The following CNTLN variants were observed in gnomAD, a reference collection of about 807,000 sequenced individuals.
CNTLN encodes centlein, centrosomal protein.
Under a neutral mutation model 180.0 loss-of-function variants are expected in CNTLN, and 212 were observed. That is an observed-to-expected ratio of 1.18 (90% CI 1.05 to 1.32). CNTLN has a LOEUF of 1.32. CNTLN is among the 40% of genes most tolerant of loss of function. CNTLN has a pLI of 0.00. For synonymous variants in CNTLN, 722 were observed against 563.1 expected (o/e 1.28, Z -3.99); for missense variants, 2,095 against 1,610.9 (o/e 1.30, Z -5.14).
At chr9:17,362,616 C>G (rs926753879) in intron 12 of CNTLN, among the ~76,000 whole-genome samples, 1 of 152,070 alleles carries the variant, frequency 6.6e-6, no homozygotes. Flanking sequence ...ATTACAACAA[C>G]TTGTGTTGTT....
At position 17,463,014 on chromosome 9, in the gene CNTLN, G is replaced by A; in HGVS notation, c.3404+1G>A. On this transcript the variant is annotated splice_donor_variant, in intron 20 of 25. Transcript: ENST00000380647. LOFTEE classifies it high-confidence loss of function. ...AACACATAAAGGAAATGCATGAAAA[G>A]TATGGTTTTTGTATTTCTATCCATT... 1.3e-6 allele frequency: 2 copies of A among 1,557,576 alleles called. No homozygotes were observed. The highest frequency in any genetic ancestry group is 1.2e-5 in the South Asian group (1 of 84,798).
the CNTLN span, among the ~76,000 whole-genome samples, chr9:17,525,793 C>T: frequency 2.0e-5 from 3 of 152,032 alleles, no homozygotes; most frequent in Non-Finnish European, 2.9e-5. Flanking sequence ...TCTTTGAAGG[C>T]CTAAACAATT....
At chr9:17,217,431 G>A (rs1401210650) in intron 2 of CNTLN, among the ~76,000 whole-genome samples, 1 of 152,252 alleles carries the variant, frequency 6.6e-6, no homozygotes, top group Non-Finnish European at 1.5e-5. Flanking sequence ...TTGTAGTCAA[G>A]CCTGAGTGAA....
chr9:17,412,415 CAG>C (rs1345326209), intron 16 of CNTLN, among the ~76,000 whole-genome samples: 1 of 152,140 alleles, frequency 6.6e-6, no homozygotes, highest in Non-Finnish European at 1.5e-5. Context: ...AGCAAGATGA[CAG>C]ATGTTGGAGT....
intron 25 of CNTLN, among the ~76,000 whole-genome samples, chr9:17,498,148 C>A (rs1833556238): frequency 6.6e-6 from 1 of 152,118 alleles, no homozygotes; most frequent in Non-Finnish European, 1.5e-5. Flanking sequence ...GTCCTTTATA[C>A]TTAAAAGTTA....
intron 8 of CNTLN, among the ~76,000 whole-genome samples, chr9:17,312,364 T>TATATATAATATATATATATATA (rs369729227): frequency 9.9e-5 from 2 of 20,186 alleles, no homozygotes; most frequent in African/African-American, 2.3e-4. Context: ...TATATATATA[T>TATATATAATATATATATATATA]TATATATATA....
chr9:17,209,565 C>T (rs1380258705), intron 2 of CNTLN, among the ~76,000 whole-genome samples: 4 of 152,130 alleles, frequency 2.6e-5, no homozygotes, highest in African/African-American at 9.7e-5. Flanking sequence ...CTTTTTAGCT[C>T]TAATAATATT....
At chr9:17,524,443 A>G in the CNTLN span, among the ~76,000 whole-genome samples, 4 of 152,212 alleles carry the variant, frequency 2.6e-5, no homozygotes, top group African/African-American at 4.8e-5. Context: ...TCAATTGAAT[A>G]AGGCCTTCCC....
chr9:17,264,378 G>C (rs1180686900), intron 5 of CNTLN, among the ~76,000 whole-genome samples: 3 of 151,352 alleles, frequency 2.0e-5, no homozygotes, highest in East Asian at 3.9e-4. Context: ...ATTTCTGAGG[G>C]CTCTGTTCTG....
At chr9:17,325,677 GT>G (rs1820241495) in intron 8 of CNTLN, among the ~76,000 whole-genome samples, 1 of 151,432 alleles carries the variant, frequency 6.6e-6, no homozygotes, top group African/African-American at 2.4e-5. Flanking sequence ...AAATGTTTTT[GT>G]TTTGCTATAG....
chr9:17,448,734 T>A (rs1830599277), intron 18 of CNTLN, among the ~76,000 whole-genome samples: 1 of 152,200 alleles, frequency 6.6e-6, no homozygotes, highest in African/African-American at 2.4e-5. Flanking sequence ...GACATTCACT[T>A]AAAACATCTT....
chr9:17,281,336 A>AT (rs1229839898), intron 6 of CNTLN, among the ~76,000 whole-genome samples: 1 of 151,940 alleles, frequency 6.6e-6, no homozygotes, highest in African/African-American at 2.4e-5. Context: ...CAGGTTTGTT[A>AT]TGTAGGTAAA....
chr9:17,306,282 T>C (rs1342129220), intron 7 of CNTLN, among the ~76,000 whole-genome samples: 1 of 151,922 alleles, frequency 6.6e-6, no homozygotes, highest in Non-Finnish European at 1.5e-5. Context: ...CCCGAGTAGC[T>C]GGGATTACAG....
intron 10 of CNTLN, among the ~76,000 whole-genome samples, chr9:17,337,330 A>C (rs1821121233): frequency 6.7e-6 from 1 of 149,432 alleles, no homozygotes; most frequent in African/African-American, 2.6e-5. Flanking sequence ...CCCATTTGTC[A>C]ATTTTGGCTT....
chr9:17,409,043 G>C (rs77441566), intron 15 of CNTLN, among the ~76,000 whole-genome samples: 2,971 of 152,248 alleles, frequency 0.02, 97 homozygotes, highest in African/African-American at 0.068. Context: ...ACACTTGGTT[G>C]AAGTACTATC....
At chr9:17,234,677 TA>T (rs141519315) in intron 3 of CNTLN, among the ~76,000 whole-genome samples, 39 of 148,388 alleles carry the variant, frequency 2.6e-4, no homozygotes, top group East Asian at 5.9e-4. Context: ...GCATATTACT[TA>T]AAAAAAAAAG....
At chr9:17,321,322 C>G (rs1415049718) in intron 8 of CNTLN, among the ~76,000 whole-genome samples, 4 of 152,168 alleles carry the variant, frequency 2.6e-5, no homozygotes, top group African/African-American at 9.7e-5. Context: ...CCACGTACCT[C>G]TTTCTGCATT....
At chr9:17,342,887 G>A (rs558520756) in intron 12 of CNTLN, among the ~76,000 whole-genome samples, 32 of 152,172 alleles carry the variant, frequency 2.1e-4, no homozygotes, top group Non-Finnish European at 3.7e-4. Flanking sequence ...GCTCATTATG[G>A]TGTAGCCTTG....
intron 2 of CNTLN, among the ~76,000 whole-genome samples, chr9:17,150,158 G>A (rs1342850571): frequency 2.0e-5 from 3 of 152,154 alleles, no homozygotes; most frequent in Non-Finnish European, 4.4e-5. Context: ...AGTTTAATTA[G>A]ATCCCATTTG....
Sources: allele counts gnomAD v4.1 joint callset (sites outside exome capture counted in the v4.1 genomes callset), GRCh38; gene constraint gnomAD v4.1.1; transcripts MANE v1.5; gene names NCBI Gene and HGNC (gene_info 2026-07-23, HGNC 2026-07-21).